Variants in SAFB observed in about 807,000 individuals in gnomAD.
SAFB encodes the protein scaffold attachment factor B1.
Under a neutral mutation model 101.6 loss-of-function variants are expected in SAFB, and 15 were observed. The observed-to-expected ratio is 0.15, with a 90% CI of 0.10 to 0.23. The LOEUF (loss-of-function observed/expected upper bound fraction) is 0.23. Among genes scored for constraint, SAFB ranks in the 10% least tolerant of loss-of-function variants. SAFB has a pLI of 1.00. For missense variants in SAFB, 930 were observed against 1,104.1 expected (o/e 0.84, Z 2.23); for synonymous variants, 449 against 407.5 (o/e 1.10, Z -1.23).
At chr19:5,626,320 A>G (rs571790679) in intron 1 of SAFB, 85 bp from the exon 2 acceptor site, 1 of 787,386 alleles carries the variant, frequency 1.3e-6, no homozygotes, top group South Asian at 1.5e-5. Flanking sequence ...TCTTAAAAAT[A>G]CAGTTTCCTT....
intron 14 of SAFB, among the ~76,000 whole-genome samples, chr19:5,659,762 T>C (rs1189785152): frequency 6.6e-6 from 1 of 151,156 alleles, no homozygotes. Context: ...GCATTTCTGC[T>C]GGGGGAGTAA....
intron 15 of SAFB, among the ~76,000 whole-genome samples, chr19:5,662,606 C>T (rs1015398637): frequency 6.6e-6 from 1 of 151,768 alleles, no homozygotes; most frequent in Middle Eastern, 3.5e-3. Flanking sequence ...TAGAGAGCGC[C>T]ACACGTGCCC....
Position 5,654,216 on chromosome 19 carries a change from G to A in SAFB, c.1666+16G>A. 6.2e-7 allele frequency: 1 copy of A among 1,613,842 alleles called. No homozygotes were observed. The highest frequency in any genetic ancestry group is 8.5e-7 in the Non-Finnish European group (1 of 1,179,812). On this transcript the variant is annotated intron_variant, in intron 12 of 20. Transcript: ENST00000588852. ...ACAAAGTCAGGTGGGCAGCTCATGA[G>A]CCCAGGAGATTCTGTCTTGTTTCTG... is the stretch of plus-strand genomic sequence containing the variant.
chr19:5,649,881 C>A, intron 7 of SAFB, 45 bp from the exon 8 acceptor site: 1 of 1,566,576 alleles, frequency 6.4e-7, no homozygotes, highest in Non-Finnish European at 8.8e-7. Flanking sequence ...AGTTTGTTTC[C>A]TCCATGCTGC....
At chr19:5,662,577 G>A (rs2054238119) in intron 15 of SAFB, among the ~76,000 whole-genome samples, 1 of 151,958 alleles carries the variant, frequency 6.6e-6, no homozygotes, top group Non-Finnish European at 1.5e-5. Flanking sequence ...GACCTCCTGA[G>A]GAGGGAAGCT....
intron 2 of SAFB, among the ~76,000 whole-genome samples, chr19:5,641,127 C>T (rs1028572586): frequency 5.3e-5 from 8 of 152,180 alleles, no homozygotes; most frequent in African/African-American, 1.9e-4. Flanking sequence ...GCCTAGGCCT[C>T]CCAAAGTGCT....
At chr19:5,666,855 G>A in intron 17 of SAFB, 191 bp from the exon 18 acceptor site, 1 of 676,506 alleles carries the variant, frequency 1.5e-6, no homozygotes, top group Non-Finnish European at 2.7e-6. Flanking sequence ...ACCAGGCCAT[G>A]AGCCTAGGGC....
Position 5,661,585 on chromosome 19 carries a change from C to T in SAFB, c.1930C>T (p.Arg644Trp), listed in dbSNP as rs762411989. ...QAQWEREERE[R>W]LEIARERLAF... ...GCAGTGGGAGCGCGAGGAGCGTGAG[C>T]GGCTGGAGATTGCCCGAGAGAGGCT... Residue 644 changes from arginine (R) to tryptophan (W), a missense_variant, in exon 15 of 21, where the codon CGG becomes TGG. Physicochemically the swap from Arg to Trp is moderately radical, Grantham distance 101. This residue lies in a region of SAFB where 159 missense variants were observed against 234.1 expected (regional missense o/e 0.68). Coordinates refer to ENST00000588852, the MANE Select transcript of SAFB (RefSeq NM_001201338.2). The T allele has an allele frequency of 3.7e-6, 6 of 1,613,014 alleles. No individual in the cohort carries two copies. The East Asian group carries it at 6.7e-5, about 18-fold the overall frequency.
At chr19:5,635,588 A>C (rs1278403811) in intron 2 of SAFB, among the ~76,000 whole-genome samples, 1 of 152,102 alleles carries the variant, frequency 6.6e-6, no homozygotes, top group Non-Finnish European at 1.5e-5. Context: ...ATAATTAGGG[A>C]AGTGTGTTTG....
At chr19:5,661,143 G>T (rs1196088077) in intron 14 of SAFB, among the ~76,000 whole-genome samples, 1 of 151,748 alleles carries the variant, frequency 6.6e-6, no homozygotes, top group East Asian at 1.9e-4. Context: ...GGCTGGTCTC[G>T]ATCTCTTGAC....
chr19:5,625,939 G>T (rs564471170), intron 1 of SAFB, among the ~76,000 whole-genome samples: 39 of 152,298 alleles, frequency 2.6e-4, no homozygotes, highest in African/African-American at 8.7e-4. Flanking sequence ...GTACAGGCAC[G>T]GCGTGGAGGG....
intron 2 of SAFB, among the ~76,000 whole-genome samples, chr19:5,627,349 T>G (rs1568245464): frequency 6.6e-6 from 1 of 152,010 alleles, no homozygotes; most frequent in Non-Finnish European, 1.5e-5. Context: ...ACGCCTGTTT[T>G]CCTAGCTACT....
intron 2 of SAFB, among the ~76,000 whole-genome samples, chr19:5,627,483 G>A (rs1308955639): frequency 6.6e-6 from 1 of 152,138 alleles, no homozygotes; most frequent in African/African-American, 2.4e-5. Context: ...CCTATTGCTT[G>A]GACTTGGAGA....
intron 14 of SAFB, among the ~76,000 whole-genome samples, chr19:5,657,881 G>A (rs2054100306): frequency 1.3e-5 from 2 of 152,254 alleles, no homozygotes; most frequent in East Asian, 1.9e-4. Context: ...GGTAACAAAG[G>A]CAGGGAGATG....
chr19:5,661,383 G>A, intron 14 of SAFB, 135 bp from the exon 15 acceptor site: 1 of 1,473,700 alleles, frequency 6.8e-7, no homozygotes, highest in South Asian at 1.4e-5. Context: ...CTTCCCGCTG[G>A]AGTGTACGGT....
intron 5 of SAFB, among the ~76,000 whole-genome samples, chr19:5,647,778 A>G (rs898719207): frequency 2.0e-5 from 3 of 152,190 alleles, no homozygotes; most frequent in East Asian, 1.9e-4. Flanking sequence ...GTGCCTCACC[A>G]TGAAGTGAGA....
At chr19:5,640,759 T>C (rs573221723) in intron 2 of SAFB, among the ~76,000 whole-genome samples, 2 of 151,764 alleles carry the variant, frequency 1.3e-5, no homozygotes, top group Admixed American at 1.3e-4. Flanking sequence ...CCAGCTAGTT[T>C]TTTGTATTTT....
intron 1 of SAFB, among the ~76,000 whole-genome samples, chr19:5,626,131 GTAT>G (rs1053040410): frequency 6.6e-5 from 10 of 152,086 alleles, no homozygotes; most frequent in African/African-American, 2.2e-4. Flanking sequence ...GGTAAGTACT[GTAT>G]TATTATTAGC....
chr19:5,662,910 G>C (rs2054247999), intron 15 of SAFB, among the ~76,000 whole-genome samples: 1 of 151,790 alleles, frequency 6.6e-6, no homozygotes. Context: ...CCAAAGTGCT[G>C]GGATTACAGG....
Sources: allele counts gnomAD v4.1 joint callset (sites outside exome capture counted in the v4.1 genomes callset), GRCh38; gene constraint gnomAD v4.1.1; regional missense constraint gnomAD v4.1.1; transcripts MANE v1.5; gene names NCBI Gene and HGNC (gene_info 2026-07-23, HGNC 2026-07-21).